The following TCF20 variants were observed in gnomAD, a reference collection of about 807,000 sequenced individuals.
TCF20 encodes the protein transcription factor 20.
Under a neutral mutation model 148.6 loss-of-function variants are expected in TCF20, and 3 were observed. That is an observed-to-expected ratio of 0.02 (90% CI 0.01 to 0.05). The LOEUF (loss-of-function observed/expected upper bound fraction) is 0.05, where lower values mean the gene tolerates loss of function less well. TCF20 is among the 10% of genes least tolerant of loss of function. The pLI, the probability that TCF20 is intolerant of heterozygous loss-of-function variation, is 1.00. For missense variants in TCF20, 2,350 were observed against 2,429.3 expected (o/e 0.97, Z 0.69); for synonymous variants, 1,049 against 909.5 (o/e 1.15, Z -2.76).
chr22:42,323,866 G>A (rs1399339356), intron 1 of TCF20, among the ~76,000 whole-genome samples: 4 of 129,880 alleles, frequency 3.1e-5, no homozygotes, highest in Admixed American at 8.2e-5. Context: ...GGTTATGGTG[G>A]TGGTGGTGGT....
intron 1 of TCF20, among the ~76,000 whole-genome samples, chr22:42,341,443 T>C (rs1928166824): frequency 1.3e-5 from 2 of 152,140 alleles, no homozygotes; most frequent in South Asian, 4.2e-4. Context: ...ACCCTCTGCC[T>C]GAGCACCCAC....
rs1248402092 is a variant in TCF20 at position 42,313,792 on chromosome 22, G to T, written c.-37+29687C>A. 5.9e-5 allele frequency among the ~76,000 whole-genome samples: 9 copies of T among 152,188 alleles called. No homozygotes were observed. In the East Asian group the frequency reaches 1.5e-3, roughly 26 times the overall value. On this transcript the variant is annotated intron_variant, in intron 1 of 1. Transcript: ENST00000515426. ...CTTTTGTATTTTTAGTAGAGACAGG[G>T]TTTCGCCAAGCTGGCCAGGCTGGTC...
chr22:42,215,108 C>A lies in TCF20; in HGVS notation c.198G>T (p.Ala66=). 6.2e-7 allele frequency: 1 copy of A among 1,614,144 alleles called. No homozygotes were observed. Among genetic ancestry groups the A allele is most frequent in the Non-Finnish European group, 8.5e-7 (1 of 1,180,020 alleles). The part of the protein sequence containing the change: ...GGGRRGAAAA[A]AAMASETSGH... ...CAGAGGTCTCGCTAGCCATCGCTGCCGCAGCAGCTGCTGCTCCTCGTCGTC... is the reference window on the plus strand; with the variant it reads ...CAGAGGTCTCGCTAGCCATCGCTGCAGCAGCAGCTGCTGCTCCTCGTCGTC... The change falls in exon 2 of 6, where the codon GCG becomes GCT. Residue 66 remains alanine, a synonymous_variant. Coordinates refer to ENST00000677622, the MANE Select transcript of TCF20 (RefSeq NM_001378418.1).
intron 1 of TCF20, among the ~76,000 whole-genome samples, chr22:42,222,025 A>G (rs936381440): frequency 1.3e-5 from 2 of 152,062 alleles, no homozygotes; most frequent in African/African-American, 4.8e-5. Flanking sequence ...GGCATGAGCC[A>G]CCGCGCCCGG....
intron 5 of TCF20, among the ~76,000 whole-genome samples, chr22:42,163,288 C>T (rs950841097): frequency 6.6e-6 from 1 of 152,212 alleles, no homozygotes. Flanking sequence ...CTCCCTGGGG[C>T]GCGTGGTGGC....
At chr22:42,275,505 C>T (rs1486888863), upstream of TCF20, among the ~76,000 whole-genome samples, 1 of 152,230 alleles carries the variant, frequency 6.6e-6, no homozygotes, top group Non-Finnish European at 1.5e-5. Context: ...GAGCTGGCGC[C>T]AGCCTGGTCT....
At chr22:42,201,070 GTTGT>G (rs578197462) in intron 2 of TCF20, among the ~76,000 whole-genome samples, 16 of 152,278 alleles carry the variant, frequency 1.1e-4, no homozygotes, top group African/African-American at 3.1e-4. Context: ...ACAAGACCTG[GTTGT>G]TTGAAAGTGT....
At chr22:42,295,143 C>G (rs559060608) in intron 1 of TCF20, among the ~76,000 whole-genome samples, 1 of 152,338 alleles carries the variant, frequency 6.6e-6, no homozygotes, top group African/African-American at 2.4e-5. Flanking sequence ...GTGACACAGT[C>G]TGGTCCCTAA....
chr22:42,300,561 T>C (rs1384079735), intron 1 of TCF20, among the ~76,000 whole-genome samples: 1 of 152,002 alleles, frequency 6.6e-6, no homozygotes, highest in East Asian at 1.9e-4. Flanking sequence ...ACACAGTGAG[T>C]GCTCAAGGGG....
chr22:42,226,941 T>C (rs531755174), intron 1 of TCF20, among the ~76,000 whole-genome samples: 10 of 152,284 alleles, frequency 6.6e-5, no homozygotes, highest in African/African-American at 2.4e-4. Flanking sequence ...CATATTAGTT[T>C]ATAAAATTCT....
At chr22:42,169,682 G>A (rs1165710779) in intron 4 of TCF20, among the ~76,000 whole-genome samples, 165 bp downstream of exon 4, 1 of 152,164 alleles carries the variant, frequency 6.6e-6, no homozygotes, top group Non-Finnish European at 1.5e-5. Context: ...TCTCCCTTCA[G>A]CATCATGCCC....
intron 1 of TCF20, among the ~76,000 whole-genome samples, chr22:42,230,954 T>C (rs1361774794): frequency 2.0e-5 from 3 of 152,102 alleles, no homozygotes; most frequent in Non-Finnish European, 2.9e-5. Context: ...GGGTCTGGAA[T>C]TCCAGACCAG....
chr22:42,281,154 T>C (rs1397896655), intron 1 of TCF20, among the ~76,000 whole-genome samples: 1 of 152,110 alleles, frequency 6.6e-6, no homozygotes, highest in East Asian at 1.9e-4. Context: ...CCAATTTGGT[T>C]CCAGCTCAGA....
intron 1 of TCF20, among the ~76,000 whole-genome samples, chr22:42,243,628 TGAACTG>T (rs1924659599): frequency 6.6e-6 from 1 of 151,882 alleles, no homozygotes; most frequent in African/African-American, 2.4e-5. Context: ...AGGTCAAATA[TGAACTG>T]GACTTGAGTT....
At chr22:42,174,197 A>C (rs973191367) in intron 3 of TCF20, among the ~76,000 whole-genome samples, 5 of 152,134 alleles carry the variant, frequency 3.3e-5, no homozygotes, top group Non-Finnish European at 7.3e-5. Flanking sequence ...GCCACTAGCC[A>C]TACATGGCCA....
intron 1 of TCF20, among the ~76,000 whole-genome samples, chr22:42,328,364 A>C (rs1927911014): frequency 1.3e-5 from 2 of 152,174 alleles, no homozygotes. Context: ...CTCAGGGTCC[A>C]GGCATGTGGC....
chr22:42,198,807 G>A (rs1031630827), intron 2 of TCF20, among the ~76,000 whole-genome samples: 10 of 151,998 alleles, frequency 6.6e-5, no homozygotes, highest in East Asian at 1.9e-4. Flanking sequence ...GACTACAGGC[G>A]CCCGCCACCA....
At chr22:42,303,874 A>T (rs1927384353) in intron 1 of TCF20, among the ~76,000 whole-genome samples, 1 of 143,018 alleles carries the variant, frequency 7.0e-6, no homozygotes, top group African/African-American at 2.6e-5. Context: ...AGAGGAGGGG[A>T]GCGGGGAAAG....
At chr22:42,170,646 AAAAAAAAAAGAC>A (rs1329702885) in intron 3 of TCF20, among the ~76,000 whole-genome samples, 1 of 148,706 alleles carries the variant, frequency 6.7e-6, no homozygotes, top group Admixed American at 6.6e-5. Context: ...AAAAAAAAAA[AAAAAAAAAAGAC>A]TGAAAGGAAA....
Sources: gnomAD v4.1 joint callset for allele counts (sites outside exome capture counted in the v4.1 genomes callset) on GRCh38, gnomAD v4.1.1 for gene constraint, MANE v1.5 for transcripts, NCBI Gene and HGNC (gene_info 2026-07-23, HGNC 2026-07-21) for gene names.